Variants in DPYD observed in about 807,000 individuals in gnomAD.
The protein encoded by DPYD is dihydropyrimidine dehydrogenase, also known as dihydropyrimidine dehydrogenase [NADP(+)].
Under a neutral mutation model 116.2 loss-of-function variants are expected in DPYD, and 109 were observed. The ratio of observed to expected loss-of-function variants is 0.94; its 90% CI spans 0.80 to 1.10. The LOEUF is 1.10. DPYD is among the 50% of genes least tolerant of loss of function. The pLI, the probability that DPYD is intolerant of heterozygous loss-of-function variation, is 0.00. For missense variants in DPYD, 1,302 were observed against 1,254.5 expected, an observed-to-expected ratio of 1.04 and a Z score of -0.57; for synonymous variants, 440 against 432.0, an observed-to-expected ratio of 1.02 and a Z score of -0.23.
At chr1:97,572,799 C>A (rs1324381107) in intron 11 of DPYD, among the ~76,000 whole-genome samples, 2 of 151,872 alleles carry the variant, frequency 1.3e-5, no homozygotes, top group Non-Finnish European at 2.9e-5. Context: ...TGATGCCCTG[C>A]AGATAAAATA....
At chr1:97,788,413 T>C (rs913163047) in intron 3 of DPYD, among the ~76,000 whole-genome samples, 60 of 152,148 alleles carry the variant, frequency 3.9e-4, no homozygotes, top group Non-Finnish European at 2.9e-4. Flanking sequence ...GCCAGATACC[T>C]TAGCTGACGA....
chr1:97,109,103 A>C lies in DPYD; in HGVS notation c.2623-10471T>G, dbSNP rs191819408. Among the ~76,000 whole-genome samples the C allele has an allele frequency of 4.7e-4, 72 of 152,258 alleles. 1 individual carries two copies. The East Asian group carries it at 0.013, about 27-fold the overall frequency. ...AGAAATAACAATGATCACCTTGCCC[A>C]TTTGTTCTTCACCACAACTATTTAA... On this transcript the variant is annotated intron_variant, in intron 20 of 22. Transcript: ENST00000370192.
intron 18 of DPYD, among the ~76,000 whole-genome samples, chr1:97,291,865 A>G (rs528593633): frequency 5.9e-5 from 9 of 152,014 alleles, no homozygotes; most frequent in Admixed American, 5.9e-4. Context: ...ACCCTAAAAA[A>G]AACCCTAAAT....
At chr1:97,427,873 A>C (rs891116396) in intron 14 of DPYD, among the ~76,000 whole-genome samples, 8 of 152,094 alleles carry the variant, frequency 5.3e-5, no homozygotes, top group African/African-American at 1.7e-4. Context: ...CATATGACTA[A>C]AATGGAGTAG....
At chr1:97,862,286 A>C (rs1375190205) in intron 2 of DPYD, among the ~76,000 whole-genome samples, 1 of 151,932 alleles carries the variant, frequency 6.6e-6, no homozygotes. Context: ...TATGAGTTTA[A>C]ATGGTTTCCA....
At chr1:97,257,245 C>T (rs557962544) in intron 18 of DPYD, among the ~76,000 whole-genome samples, 1 of 151,642 alleles carries the variant, frequency 6.6e-6, no homozygotes, top group South Asian at 2.1e-4. Flanking sequence ...ATATACTCAC[C>T]TATTTATAAA....
Position 97,236,452 on chromosome 1 carries a change from G to T in DPYD, c.2300-1458C>A, listed in dbSNP as rs189355824. The stretch of plus-strand genomic sequence containing the variant: ...AAGAAAAGAAACAAAAAGTTAAAGG[G>T]CTTTCAATTTGAAAAGGCTAGATAG... On this transcript the variant is annotated intron_variant, in intron 18 of 22. Coordinates refer to ENST00000370192, the MANE Select transcript of DPYD (RefSeq NM_000110.4). Among the ~76,000 whole-genome samples the T allele has an allele frequency of 3.6e-3, 550 of 151,960 alleles. 2 individuals are homozygous for T. Among genetic ancestry groups the T allele is most frequent in the Non-Finnish European group, 4.7e-3 (322 of 67,936 alleles).
chr1:97,640,369 C>G (rs1011383368), intron 8 of DPYD, among the ~76,000 whole-genome samples: 6 of 151,934 alleles, frequency 3.9e-5, no homozygotes, highest in Non-Finnish European at 7.4e-5. Flanking sequence ...AGTGCAATGG[C>G]ACCATCTCAG....
At chr1:97,444,406 CT>C (rs1016609416) in intron 14 of DPYD, among the ~76,000 whole-genome samples, 1 of 152,142 alleles carries the variant, frequency 6.6e-6, no homozygotes, top group Non-Finnish European at 1.5e-5. Context: ...GAAAAAAAAT[CT>C]CTGCTTCACA....
chr1:97,345,097 G>A (rs1669776841), intron 16 of DPYD, among the ~76,000 whole-genome samples: 1 of 151,800 alleles, frequency 6.6e-6, no homozygotes, highest in Non-Finnish European at 1.5e-5. Context: ...CACGTTTACC[G>A]GCCATTGGTA....
At chr1:97,173,291 T>TACACATATGTACATATATATGC (rs1176923805) in intron 20 of DPYD, among the ~76,000 whole-genome samples, 1 of 87,764 alleles carries the variant, frequency 1.1e-5, no homozygotes, top group Non-Finnish European at 2.1e-5. Context: ...CACATATATG[T>TACACATATGTACATATATATGC]ACACATATGT....
At chr1:97,713,477 C>T (rs183963489) in intron 5 of DPYD, among the ~76,000 whole-genome samples, 97 of 152,150 alleles carry the variant, frequency 6.4e-4, no homozygotes, top group African/African-American at 2.2e-3. Context: ...AATCATCTAG[C>T]AATTCATCTG....
At chr1:97,579,668 T>C (rs576698059) in intron 10 of DPYD, among the ~76,000 whole-genome samples, 1 of 152,384 alleles carries the variant, frequency 6.6e-6, no homozygotes, top group South Asian at 2.1e-4. Flanking sequence ...ACTCTGAATC[T>C]GGATATGAAT....
intron 20 of DPYD, among the ~76,000 whole-genome samples, chr1:97,102,843 G>A (rs1277832158): frequency 6.6e-6 from 1 of 151,958 alleles, no homozygotes; most frequent in South Asian, 2.1e-4. Context: ...GGTTGTTGCA[G>A]TTATCTCAAG....
chr1:97,311,978 G>C (rs1667548279), intron 16 of DPYD, among the ~76,000 whole-genome samples: 1 of 150,486 alleles, frequency 6.6e-6, no homozygotes, highest in East Asian at 2.0e-4. Context: ...TGTTAGGGTG[G>C]GACATATAGG....
chr1:97,343,766 G>C (rs992825322), intron 16 of DPYD, among the ~76,000 whole-genome samples: 3 of 151,856 alleles, frequency 2.0e-5, no homozygotes, highest in Non-Finnish European at 2.9e-5. Flanking sequence ...TTCTTTTGTG[G>C]TCAGGTATGA....
chr1:97,204,304 G>T (rs1353048984), intron 19 of DPYD, among the ~76,000 whole-genome samples: 1 of 152,088 alleles, frequency 6.6e-6, no homozygotes, highest in Admixed American at 6.6e-5. Flanking sequence ...TAAATTGTAT[G>T]CTAGTTTTTT....
intron 12 of DPYD, among the ~76,000 whole-genome samples, chr1:97,533,334 G>A (rs1649776006): frequency 6.6e-6 from 1 of 152,078 alleles, no homozygotes; most frequent in Non-Finnish European, 1.5e-5. Context: ...AAACCAAAGA[G>A]TCTGTTCAAA....
chr1:97,732,921 A>G (rs1276814639), intron 4 of DPYD, among the ~76,000 whole-genome samples: 3 of 152,182 alleles, frequency 2.0e-5, no homozygotes, highest in East Asian at 1.9e-4. Flanking sequence ...ACACGCAGAA[A>G]AAAGCTAGGA....
Sources: gnomAD v4.1 joint callset for allele counts (sites outside exome capture counted in the v4.1 genomes callset) on GRCh38, gnomAD v4.1.1 for gene constraint, MANE v1.5 for transcripts, NCBI Gene and HGNC (gene_info 2026-07-23, HGNC 2026-07-21) for gene names.